The following CCSER1 variants were observed in gnomAD, a reference collection of about 807,000 sequenced individuals.
CCSER1 encodes the protein serine-rich coiled-coil domain-containing protein 1.
CCSER1 carries 41 observed loss-of-function variants against 82.0 expected under a neutral mutation model. The observed-to-expected ratio is 0.50, with a 90% confidence interval of 0.39 to 0.65. CCSER1 has a LOEUF of 0.65. Ranked by LOEUF, CCSER1 falls within the 30% of genes least tolerant of loss-of-function variation. CCSER1 has a pLI of 0.00. For missense variants in CCSER1, 1,119 were observed against 1,064.2 expected, an observed-to-expected ratio of 1.05 and a Z score of -0.72; for synonymous variants, 414 against 383.9, an observed-to-expected ratio of 1.08 and a Z score of -0.92.
At chr4:91,397,657 C>A (rs901465967) in intron 10 of CCSER1, among the ~76,000 whole-genome samples, 1 of 151,994 alleles carries the variant, frequency 6.6e-6, no homozygotes, top group Admixed American at 6.6e-5. Flanking sequence ...TGAGATAGTG[C>A]AAACTCTCCC....
chr4:91,209,385 C>T (rs995825230), intron 10 of CCSER1, among the ~76,000 whole-genome samples: 3 of 151,848 alleles, frequency 2.0e-5, no homozygotes, highest in Admixed American at 2.0e-4. Context: ...AGGTATGTTC[C>T]TTCAGTGCCT....
At chr4:90,630,802 T>C (rs1579586198) in intron 6 of CCSER1, among the ~76,000 whole-genome samples, 1 of 151,234 alleles carries the variant, frequency 6.6e-6, no homozygotes. Context: ...TATATTTTAA[T>C]ATAAAAAATT....
At chr4:91,163,548 A>T (rs898482750) in intron 10 of CCSER1, among the ~76,000 whole-genome samples, 2 of 152,150 alleles carry the variant, frequency 1.3e-5, no homozygotes, top group Non-Finnish European at 2.9e-5. Context: ...GTTTCCCATT[A>T]TTATTGTTTG....
At chr4:91,441,176 G>A (rs13106444) in intron 10 of CCSER1, among the ~76,000 whole-genome samples, 115,339 of 151,668 alleles carry the variant, frequency 0.76, 44,171 homozygotes, top group East Asian at 0.92. Context: ...AAAAAAGAGA[G>A]TTTTAGACCA....
intron 5 of CCSER1, among the ~76,000 whole-genome samples, chr4:90,559,826 A>C (rs1778540441): frequency 6.6e-6 from 1 of 150,960 alleles, no homozygotes; most frequent in African/African-American, 2.4e-5. Context: ...AAAAAAAAAA[A>C]AAAAAAAAAT....
intron 6 of CCSER1, among the ~76,000 whole-genome samples, chr4:90,648,313 G>GAAAGAAAGAAAGAAAGAAAGAAAGAA (rs1728065657): frequency 6.6e-6 from 1 of 150,510 alleles, no homozygotes; most frequent in Non-Finnish European, 1.5e-5. Context: ...AAGAAAGAAA[G>GAAAGAAAGAAAGAAAGAAAGAAAGAA]AAAGAAAGAA....
At chr4:90,486,484 C>G (rs1767074703) in intron 5 of CCSER1, among the ~76,000 whole-genome samples, 1 of 152,218 alleles carries the variant, frequency 6.6e-6, no homozygotes. Context: ...TGGTTGTCTA[C>G]ACAGTTTTCA....
intron 7 of CCSER1, among the ~76,000 whole-genome samples, chr4:90,740,786 G>C (rs569652026): frequency 1.3e-5 from 2 of 152,152 alleles, no homozygotes; most frequent in South Asian, 4.1e-4. Flanking sequence ...TCTTTAAGTA[G>C]TACTGATAGA....
chr4:90,276,296 T>TTCCC, intron 1 of CCSER1, among the ~76,000 whole-genome samples: 1 of 134,702 alleles, frequency 7.4e-6, no homozygotes, highest in East Asian at 2.3e-4. Context: ...CCTTCCTTCC[T>TTCCC]TCCTTCCTTC....
At chr4:90,839,015 G>A (rs1432144135) in intron 8 of CCSER1, 1 of 1,612,362 alleles carries the variant, frequency 6.2e-7, no homozygotes, top group African/African-American at 1.3e-5. Flanking sequence ...CTCGATCTCA[G>A]CCATATCGGG....
chr4:90,459,110 A>G (rs1286241231), intron 4 of CCSER1, among the ~76,000 whole-genome samples: 1 of 152,206 alleles, frequency 6.6e-6, no homozygotes, highest in East Asian at 1.9e-4. Flanking sequence ...GTGTGTACGT[A>G]TATATAGATA....
chr4:90,764,982 A>T (rs1307300541), intron 7 of CCSER1, among the ~76,000 whole-genome samples: 2 of 152,090 alleles, frequency 1.3e-5, no homozygotes, highest in Non-Finnish European at 2.9e-5. Flanking sequence ...CACTATTGTC[A>T]TTCTCCTTTT....
At chr4:90,992,310 A>G (rs1737105089) in intron 9 of CCSER1, among the ~76,000 whole-genome samples, 1 of 152,214 alleles carries the variant, frequency 6.6e-6, no homozygotes, top group African/African-American at 2.4e-5. Context: ...ATTATTTTGC[A>G]TAACCTCATG....
rs200652783 is a variant in CCSER1 at position 91,299,473 on chromosome 4, C to G, written c.2217+213479C>G. On this transcript the variant is annotated intron_variant, in intron 10 of 10. Transcript: ENST00000509176. The stretch of plus-strand genomic sequence containing the variant: ...GACTTATCTGTGCATCATACTTACA[C>G]TAATTTATTTAGTACTTACCTATGG... Among the ~76,000 whole-genome samples the G allele has an allele frequency of 3.9e-4, 60 of 152,046 alleles. No homozygotes were observed. In the East Asian group the frequency reaches 0.011, roughly 28 times the overall value.
chr4:91,243,856 A>T (rs534234375), intron 10 of CCSER1, among the ~76,000 whole-genome samples: 51 of 152,238 alleles, frequency 3.4e-4, no homozygotes, highest in South Asian at 6.2e-4. Context: ...CTATGGTGAA[A>T]GACTCCTTCT....
intron 9 of CCSER1, among the ~76,000 whole-genome samples, chr4:91,039,709 ATGAG>A (rs34675261): frequency 0.41 from 61,973 of 151,324 alleles, 13,070 homozygotes; most frequent in East Asian, 0.64. Context: ...GTGTATATAT[ATGAG>A]TATCTTTCTG....
intron 4 of CCSER1, among the ~76,000 whole-genome samples, chr4:90,416,449 T>A (rs1755800430): frequency 6.6e-6 from 1 of 152,290 alleles, no homozygotes; most frequent in South Asian, 2.1e-4. Flanking sequence ...CACAGTTGCT[T>A]TCAACAAATG....
chr4:91,106,960 A>G (rs1725677290), intron 10 of CCSER1, among the ~76,000 whole-genome samples: 1 of 152,204 alleles, frequency 6.6e-6, no homozygotes, highest in African/African-American at 2.4e-5. Context: ...GACTGCATAG[A>G]TGACAGTGGT....
intron 10 of CCSER1, among the ~76,000 whole-genome samples, chr4:91,156,798 G>A (rs1321401586): frequency 6.6e-6 from 1 of 151,614 alleles, no homozygotes; most frequent in Non-Finnish European, 1.5e-5. Context: ...CTTCACTTAT[G>A]CCCTAGATTT....
Sources: gnomAD v4.1 joint callset for allele counts (sites outside exome capture counted in the v4.1 genomes callset) on GRCh38, gnomAD v4.1.1 for gene constraint, MANE v1.5 for transcripts, NCBI Gene and HGNC (gene_info 2026-07-23, HGNC 2026-07-21) for gene names.